The following RNF13 variants were observed in gnomAD, a reference collection of about 807,000 sequenced individuals.
RNF13 encodes E3 ubiquitin-protein ligase RNF13.
In RNF13, 19 loss-of-function variants were observed where a neutral mutation model predicts 37.7. The observed-to-expected ratio is 0.50, with a 90% CI of 0.35 to 0.74. The LOEUF (loss-of-function observed/expected upper bound fraction) is 0.74. Ranked by LOEUF, RNF13 falls within the 30% of genes least tolerant of loss-of-function variation. The pLI is 0.01. For missense variants in RNF13, 375 were observed against 453.0 expected (o/e 0.83, Z 1.56); for synonymous variants, 144 against 157.8 (o/e 0.91, Z 0.65).
At chr3:149,877,117 C>T (rs1576806814) in intron 4 of RNF13, among the ~76,000 whole-genome samples, 2 of 152,218 alleles carry the variant, frequency 1.3e-5, no homozygotes, top group Non-Finnish European at 2.9e-5. Context: ...ACATCAGTCT[C>T]TGTTTCTCTC....
chr3:149,814,038 T>A (rs991932992), intron 1 of RNF13: 2 of 152,212 alleles, frequency 1.3e-5, no homozygotes, highest in Admixed American at 1.3e-4. Context: ...TAAATTCCTC[T>A]ATTTTGTCCT....
intron 3 of RNF13, among the ~76,000 whole-genome samples, chr3:149,856,914 A>AT (rs1166642202): frequency 3.9e-4 from 59 of 151,918 alleles, no homozygotes; most frequent in Non-Finnish European, 2.4e-4. Flanking sequence ...CGCACGGCTA[A>AT]TTTTTTTGTA....
intron 3 of RNF13, among the ~76,000 whole-genome samples, chr3:149,862,442 A>G (rs971492952): frequency 2.0e-5 from 3 of 152,012 alleles, no homozygotes; most frequent in African/African-American, 7.2e-5. Flanking sequence ...TTATCCTGAA[A>G]CTTATGTGTA....
At chr3:149,937,995 T>C (rs967760006) in intron 8 of RNF13, among the ~76,000 whole-genome samples, 2 of 152,076 alleles carry the variant, frequency 1.3e-5, no homozygotes, top group African/African-American at 4.8e-5. Flanking sequence ...ATTTTCTGCC[T>C]GCTGGATCTG....
intron 8 of RNF13, among the ~76,000 whole-genome samples, chr3:149,943,970 C>A (rs1367589579): frequency 1.3e-5 from 2 of 152,032 alleles, no homozygotes; most frequent in East Asian, 3.9e-4. Context: ...CCTCCCCCAA[C>A]CCCACGACAT....
At chr3:149,929,407 T>A (rs989453091) in intron 8 of RNF13, among the ~76,000 whole-genome samples, 2 of 152,042 alleles carry the variant, frequency 1.3e-5, no homozygotes, top group African/African-American at 2.4e-5. Context: ...CCCTGACACG[T>A]GGGGATTATG....
intron 8 of RNF13, among the ~76,000 whole-genome samples, chr3:149,926,046 A>G (rs972217404): frequency 3.3e-5 from 5 of 152,118 alleles, no homozygotes; most frequent in Admixed American, 1.3e-4. Flanking sequence ...TGTCTGTTTC[A>G]TATATGGGAG....
At chr3:149,859,070 CAG>C (rs1723954725) in intron 3 of RNF13, among the ~76,000 whole-genome samples, 1 of 152,162 alleles carries the variant, frequency 6.6e-6, no homozygotes, top group African/African-American at 2.4e-5. Flanking sequence ...TTTTTCCTCT[CAG>C]AACACTTACA....
intron 1 of RNF13, among the ~76,000 whole-genome samples, chr3:149,828,848 T>C (rs1559890679): frequency 1.3e-5 from 2 of 152,348 alleles, no homozygotes; most frequent in South Asian, 4.1e-4. Flanking sequence ...AGTCAAATTA[T>C]AGGTTTTCTG....
intron 8 of RNF13, among the ~76,000 whole-genome samples, chr3:149,933,318 T>C (rs1719348644): frequency 6.6e-6 from 1 of 150,944 alleles, no homozygotes; most frequent in South Asian, 2.1e-4. Flanking sequence ...TTTTTAGTAA[T>C]GCTAATCTAT....
chr3:149,910,810 CAA>C (rs1239205084), intron 6 of RNF13, among the ~76,000 whole-genome samples: 3 of 152,162 alleles, frequency 2.0e-5, no homozygotes, highest in African/African-American at 7.2e-5. Context: ...GAACATTATA[CAA>C]ACTCTTCCCT....
chr3:149,839,592 C>T (rs1721960855), intron 1 of RNF13, among the ~76,000 whole-genome samples: 1 of 78,286 alleles, frequency 1.3e-5, no homozygotes, highest in Non-Finnish European at 3.2e-5. Flanking sequence ...ACCATCAGTT[C>T]ACATGAGACT....
intron 1 of RNF13, among the ~76,000 whole-genome samples, chr3:149,835,636 T>TGTGG (rs959505921): frequency 7.3e-6 from 1 of 136,368 alleles, no homozygotes. Context: ...TATTCCATTG[T>TGTGG]GTGTGTGTGT....
chr3:149,837,258 G>C (rs893856944), intron 1 of RNF13, among the ~76,000 whole-genome samples: 2 of 152,104 alleles, frequency 1.3e-5, no homozygotes, highest in African/African-American at 4.8e-5. Context: ...CAAACATATA[G>C]AAAAGCAGAG....
chr3:149,895,435 TTA>T, intron 4 of RNF13, 36 bp from the exon 5 acceptor site: 1 of 1,260,028 alleles, frequency 7.9e-7, no homozygotes, highest in Non-Finnish European at 1.1e-6. Context: ...ACTGTCTTCC[TTA>T]TAACATAATT....
intron 2 of RNF13, chr3:149,851,314 C>T (rs1723100108): frequency 6.6e-6 from 1 of 152,176 alleles, no homozygotes; most frequent in African/African-American, 2.4e-5. Flanking sequence ...TGTCTAGATC[C>T]AACATTTGCT....
At chr3:149,918,310 A>G (rs1342729367) in intron 7 of RNF13, among the ~76,000 whole-genome samples, 4 of 152,186 alleles carry the variant, frequency 2.6e-5, no homozygotes, top group Non-Finnish European at 4.4e-5. Flanking sequence ...ACCATATTGG[A>G]CAGCACAGGT....
chr3:149,925,142 A>G (rs1018899228), intron 8 of RNF13, among the ~76,000 whole-genome samples: 1 of 152,188 alleles, frequency 6.6e-6, no homozygotes, highest in South Asian at 2.1e-4. Flanking sequence ...AGGAGGAGGA[A>G]TGGACTAGGG....
Position 149,871,002 on chromosome 3 carries a change from A to G in RNF13, c.196-1027A>G, listed in dbSNP as rs930763820. ...TTTATTCACTTTTTACAAAAGATAG[A>G]CATTTGATTTTTCTGTTTTAGTCTG... On this transcript the variant is annotated intron_variant, in intron 3 of 9. Coordinates refer to ENST00000392894, the MANE Select transcript of RNF13 (RefSeq NM_183381.3). Among the ~76,000 whole-genome samples, 13 of 149,278 alleles carry G rather than the reference A, an allele frequency of 8.7e-5. No homozygotes were observed. The South Asian group carries it at 1.5e-3, about 17-fold the overall frequency.
Sources: gnomAD v4.1 joint callset for allele counts (sites outside exome capture counted in the v4.1 genomes callset) on GRCh38, gnomAD v4.1.1 for gene constraint, MANE v1.5 for transcripts, NCBI Gene and HGNC (gene_info 2026-07-23, HGNC 2026-07-21) for gene names.